MCUB: variants seen among roughly 807,000 people sequenced by gnomAD.
MCUB encodes the protein calcium uniporter regulatory subunit MCUb, mitochondrial.
In MCUB, 46 loss-of-function variants were observed where a neutral mutation model predicts 41.4. The observed-to-expected ratio is 1.11, with a 90% CI of 0.88 to 1.42. The LOEUF (loss-of-function observed/expected upper bound fraction) is 1.42. Ranked by LOEUF, MCUB falls within the 40% of genes most tolerant of loss-of-function variation. MCUB has a pLI of 0.00. For missense variants in MCUB, 403 were observed against 404.9 expected (o/e 1.00, Z 0.04); for synonymous variants, 148 against 148.2 (o/e 1.00, Z 0.01).
At chr4:109,682,459 A>G (rs1416347222) in intron 4 of MCUB, 123 bp from the exon 5 acceptor site, 1 of 753,994 alleles carries the variant, frequency 1.3e-6, no homozygotes, top group African/African-American at 1.8e-5. Flanking sequence ...ATGTTTGTAC[A>G]CCAGCTTCCT....
At chr4:109,596,458 G>A (rs1260662299) in intron 1 of MCUB, among the ~76,000 whole-genome samples, 1 of 150,404 alleles carries the variant, frequency 6.6e-6, no homozygotes, top group African/African-American at 2.5e-5. Context: ...CACCAGACCA[G>A]GTTAGACCTT....
At chr4:109,665,687 A>AT (rs1435925450) in intron 4 of MCUB, among the ~76,000 whole-genome samples, 1 of 152,050 alleles carries the variant, frequency 6.6e-6, no homozygotes, top group African/African-American at 2.4e-5. Flanking sequence ...TGTATTGTTA[A>AT]TTTTTATTAG....
At chr4:109,589,202 A>C (rs1727377155) in intron 1 of MCUB, among the ~76,000 whole-genome samples, 1 of 152,206 alleles carries the variant, frequency 6.6e-6, no homozygotes, top group South Asian at 2.1e-4. Context: ...TTTTGCCTCA[A>C]GGTGCAGACC....
intron 1 of MCUB, among the ~76,000 whole-genome samples, chr4:109,602,952 A>G (rs916149123): frequency 1.3e-5 from 2 of 152,206 alleles, no homozygotes; most frequent in Non-Finnish European, 2.9e-5. Context: ...ATCTGTGGCT[A>G]TTGTAAATGG....
intron 7 of MCUB, 55 bp downstream of exon 7, chr4:109,685,422 C>A: frequency 2.7e-6 from 2 of 748,720 alleles, no homozygotes; most frequent in Admixed American, 1.9e-5. Flanking sequence ...AACTTAGTAT[C>A]AGGGAAGTAT....
chr4:109,608,590 T>A (rs1415478608), intron 1 of MCUB, among the ~76,000 whole-genome samples: 1 of 152,104 alleles, frequency 6.6e-6, no homozygotes, highest in Non-Finnish European at 1.5e-5. Context: ...CTGACTAAAT[T>A]GATCCTCCCA....
intron 1 of MCUB, among the ~76,000 whole-genome samples, chr4:109,606,491 A>G (rs1350282980): frequency 6.6e-6 from 1 of 150,448 alleles, no homozygotes; most frequent in Non-Finnish European, 1.5e-5. Context: ...GTATGATTTA[A>G]TTTCTTGCTT....
intron 1 of MCUB, among the ~76,000 whole-genome samples, chr4:109,583,402 C>T (rs1308930673): frequency 6.6e-6 from 1 of 152,104 alleles, no homozygotes; most frequent in Non-Finnish European, 1.5e-5. Context: ...GATTTTTGCA[C>T]ATTCATTTTT....
At chr4:109,633,299 G>T (rs1354551598) in intron 1 of MCUB, among the ~76,000 whole-genome samples, 2 of 151,562 alleles carry the variant, frequency 1.3e-5, no homozygotes, top group African/African-American at 2.4e-5. Flanking sequence ...ACAAAGTCTC[G>T]GTCTGTCGCC....
intron 4 of MCUB, chr4:109,673,984 C>A (rs1333462052): frequency 1.0e-6 from 1 of 969,002 alleles, no homozygotes. Context: ...ATTACACAAA[C>A]TGAAGAGCAG....
chr4:109,651,507 A>G (rs1728960066), intron 1 of MCUB, among the ~76,000 whole-genome samples: 1 of 152,230 alleles, frequency 6.6e-6, no homozygotes, highest in Non-Finnish European at 1.5e-5. Context: ...TCAGAAAGAG[A>G]ATATACATAT....
intron 4 of MCUB, among the ~76,000 whole-genome samples, chr4:109,680,460 A>T (rs966240159): frequency 2.8e-4 from 43 of 152,096 alleles, no homozygotes; most frequent in African/African-American, 1.0e-3. Context: ...ACCCTATTGC[A>T]ATAGTTATTA....
At chr4:109,581,447 A>G (rs1316936838) in intron 1 of MCUB, among the ~76,000 whole-genome samples, 2 of 152,228 alleles carry the variant, frequency 1.3e-5, no homozygotes, top group African/African-American at 4.8e-5. Flanking sequence ...AAACCTAGGC[A>G]ATACCATTCA....
At position 109,585,652 on chromosome 4, in the gene MCUB, A is replaced by G. The variant is rs560631722; in HGVS notation, c.99+25216A>G. ...CTTTCAAGGCAGGCCTGGTGGTGACAAAATCTCTCAGCATTTGCTTGTGTG... is the reference window on the plus strand; with the variant it reads ...CTTTCAAGGCAGGCCTGGTGGTGACGAAATCTCTCAGCATTTGCTTGTGTG... On this transcript the variant is annotated intron_variant, in intron 1 of 7. Transcript: ENST00000394650. 5.9e-5 allele frequency among the ~76,000 whole-genome samples: 9 copies of G among 152,354 alleles called. No individual in the cohort carries two copies. The South Asian group carries it at 1.4e-3, about 25-fold the overall frequency.
intron 1 of MCUB, among the ~76,000 whole-genome samples, chr4:109,562,948 C>T (rs1047853025): frequency 1.3e-5 from 2 of 152,148 alleles, no homozygotes; most frequent in Non-Finnish European, 2.9e-5. Context: ...TAGTCTGAAG[C>T]GTAGTAGAGC....
chr4:109,649,648 T>C (rs1458524161), intron 1 of MCUB, among the ~76,000 whole-genome samples: 3 of 152,132 alleles, frequency 2.0e-5, no homozygotes, highest in Admixed American at 6.5e-5. Flanking sequence ...TTTCAGGCAT[T>C]ATAAGAATTT....
intron 1 of MCUB, among the ~76,000 whole-genome samples, chr4:109,635,828 C>T (rs749764066): frequency 4.6e-5 from 7 of 152,170 alleles, no homozygotes; most frequent in Non-Finnish European, 1.0e-4. Flanking sequence ...TCATCCGAGC[C>T]GTATCATTTG....
At chr4:109,639,736 G>A (rs556580832) in intron 1 of MCUB, among the ~76,000 whole-genome samples, 5 of 152,254 alleles carry the variant, frequency 3.3e-5, no homozygotes, top group African/African-American at 1.2e-4. Context: ...CAGATATGCT[G>A]TCATCTAGGC....
At chr4:109,650,675 T>C (rs920482106) in intron 1 of MCUB, among the ~76,000 whole-genome samples, 1 of 152,188 alleles carries the variant, frequency 6.6e-6, no homozygotes, top group Non-Finnish European at 1.5e-5. Context: ...ACCATCAAAA[T>C]AGGAAAATTA....
Sources: allele counts gnomAD v4.1 joint callset (sites outside exome capture counted in the v4.1 genomes callset), GRCh38; gene constraint gnomAD v4.1.1; transcripts MANE v1.5; gene names NCBI Gene and HGNC (gene_info 2026-07-23, HGNC 2026-07-21).